Variants in HTR5A observed in about 807,000 individuals in gnomAD.
HTR5A encodes 5-HT-5.
In HTR5A, 21 loss-of-function variants were observed where a neutral mutation model predicts 24.3. The ratio of observed to expected loss-of-function variants is 0.86; its 90% confidence interval spans 0.61 to 1.24. The LOEUF is 1.24. HTR5A is among the 50% of genes most tolerant of loss of function. The pLI is 0.00. For synonymous variants in HTR5A, 260 were observed against 213.7 expected (o/e 1.22, Z -1.89); for missense variants, 497 against 489.5 (o/e 1.02, Z -0.15).
rs1795458333 is a variant in HTR5A, at chr7:155,084,804, G to C, written c.*317G>C. The C allele has an allele frequency of 4.1e-6, 1 of 244,508 alleles. No individual in the cohort carries two copies. Among genetic ancestry groups the C allele is most frequent in the Non-Finnish European group, 7.7e-6 (1 of 130,082 alleles). The allele number at this position is 244,508 out of a possible 1,614,324, so 15.1% of individuals were successfully genotyped here. On this transcript the variant is annotated 3_prime_UTR_variant, in exon 2 of 2. Coordinates refer to ENST00000287907, the MANE Select transcript of HTR5A (RefSeq NM_024012.4). Reference sequence around the variant, plus strand: ...TGGTGATCGACATTGTCTTAAAGAAGTCAAGGCAAATAAGAAGGAGGAGGT... The same window carrying C: ...TGGTGATCGACATTGTCTTAAAGAACTCAAGGCAAATAAGAAGGAGGAGGT...
intron 1 of HTR5A, among the ~76,000 whole-genome samples, chr7:155,075,233 A>T (rs147211562): frequency 6.6e-6 from 1 of 151,910 alleles, no homozygotes; most frequent in East Asian, 2.0e-4. Flanking sequence ...CCAAAGCTGC[A>T]GGAGAGATCT....
At chr7:155,077,922 C>G (rs1795375760) in intron 1 of HTR5A, among the ~76,000 whole-genome samples, 1 of 152,102 alleles carries the variant, frequency 6.6e-6, no homozygotes, top group African/African-American at 2.4e-5. Flanking sequence ...CCCACATAAA[C>G]AAAAACATTA....
chr7:155,086,298 G>T lies in HTR5A; in HGVS notation c.*1811G>T, dbSNP rs1001854554. On this transcript the variant is annotated 3_prime_UTR_variant, in exon 2 of 2. Coordinates refer to ENST00000287907, the MANE Select transcript of HTR5A (RefSeq NM_024012.4). ...GGTAACACTAGAATCAAGGGTAAACGCTTAAGTCTATTCTACCTGAAAATC... is the reference window on the plus strand; with the variant it reads ...GGTAACACTAGAATCAAGGGTAAACTCTTAAGTCTATTCTACCTGAAAATC... Among the ~76,000 whole-genome samples, 1 of 152,202 alleles carries T rather than the reference G, an allele frequency of 6.6e-6. No homozygotes were observed. The highest frequency in any genetic ancestry group is 1.9e-4 in the East Asian group (1 of 5,204).
intron 1 of HTR5A, among the ~76,000 whole-genome samples, chr7:155,080,067 G>A (rs1292748514): frequency 1.3e-5 from 2 of 152,188 alleles, no homozygotes; most frequent in Non-Finnish European, 2.9e-5. Flanking sequence ...TTATAGAATA[G>A]TTCCTTCTGT....
At position 155,071,569 on chromosome 7, in the gene HTR5A, T is replaced by C. The variant is rs1217813036; in HGVS notation, c.670T>C (p.Tyr224His). ...GGTGCTCTTCGTGTACTGGAAGATCTACAAGGCTGCCAAGTTCCGCGTGGG... is the reference window on the plus strand; with the variant it reads ...GGTGCTCTTCGTGTACTGGAAGATCCACAAGGCTGCCAAGTTCCGCGTGGG... The part of the protein sequence containing the change: ...CVVLFVYWKI[Y>H]KAAKFRVGSR... The change falls in exon 1 of 2, where the codon TAC becomes CAC. Residue 224 changes from tyrosine to histidine, a missense_variant. Transcript: ENST00000287907. 1.2e-6 allele frequency: 2 copies of C among 1,614,096 alleles called. No homozygotes were observed. Among genetic ancestry groups the C allele is most frequent in the African/African-American group, 2.7e-5 (2 of 74,934 alleles).
At chr7:155,082,261 C>G (rs780941970) in intron 1 of HTR5A, among the ~76,000 whole-genome samples, 1 of 151,976 alleles carries the variant, frequency 6.6e-6, no homozygotes, top group Non-Finnish European at 1.5e-5. Context: ...TGACCAGCAT[C>G]CACAGTGTGA....
chr7:155,074,599 A>C, intron 1 of HTR5A: 1 of 152,336 alleles, frequency 6.6e-6, no homozygotes, highest in East Asian at 1.9e-4. Flanking sequence ...AATAATCTAC[A>C]CAGGTACTAT....
intron 1 of HTR5A, among the ~76,000 whole-genome samples, chr7:155,078,313 C>T (rs1210624715): frequency 1.3e-5 from 2 of 152,086 alleles, no homozygotes; most frequent in African/African-American, 4.8e-5. Context: ...TATTAAATTC[C>T]CAAATTCAGG....
At chr7:155,073,865 G>GTGTGTATATATATATATA (rs1554519604) in intron 1 of HTR5A, among the ~76,000 whole-genome samples, 1 of 57,312 alleles carries the variant, frequency 1.7e-5, no homozygotes, top group Non-Finnish European at 3.2e-5. Context: ...GTGTGTGTGT[G>GTGTGTATATATATATATA]TATATATATA....
chr7:155,070,464 G>A lies in HTR5A; in HGVS notation c.-436G>A. 1 of 414,954 alleles carries A rather than the reference G, an allele frequency of 2.4e-6. No individual in the cohort carries two copies. The highest frequency in any genetic ancestry group is 1.7e-5 in the South Asian group (1 of 58,608). 25.7% of individuals were successfully genotyped at this position (414,954 alleles called of 1,614,324 possible). On this transcript the variant is annotated 5_prime_UTR_variant, in exon 1 of 2. Coordinates refer to ENST00000287907, the MANE Select transcript of HTR5A (RefSeq NM_024012.4). ...GCTGCAGCCGGCTGCCTAGAGAGAA[G>A]GGTGGGCAGGGAGACAACGCGGTGA... is the stretch of plus-strand genomic sequence containing the variant.
At chr7:155,073,323 G>GAAAAAAAA (rs66715434) in intron 1 of HTR5A, among the ~76,000 whole-genome samples, 31,056 of 108,708 alleles carry the variant, frequency 0.29, 5,848 homozygotes, top group East Asian at 0.49. Flanking sequence ...TCTGTCTCAA[G>GAAAAAAAA]AAAAAAAAAA....
chr7:155,083,434 G>A (rs1458427293), intron 1 of HTR5A, among the ~76,000 whole-genome samples: 1 of 152,164 alleles, frequency 6.6e-6, no homozygotes, highest in Non-Finnish European at 1.5e-5. Context: ...GCTAAAAATA[G>A]GACCAGAAGG....
chr7:155,083,721 T>C (rs1253270737), intron 1 of HTR5A, among the ~76,000 whole-genome samples: 3 of 152,128 alleles, frequency 2.0e-5, no homozygotes, highest in Admixed American at 6.5e-5. Context: ...TCTAACATTA[T>C]AGAGGGGACT....
In HTR5A at chr7:155,086,372, A is replaced by G. The variant is rs1418417062; in HGVS notation, c.*1885A>G. Among the ~76,000 whole-genome samples, 1 of 152,258 alleles carries G rather than the reference A, an allele frequency of 6.6e-6. No individual in the cohort carries two copies. The highest frequency in any genetic ancestry group is 6.5e-5 in the Admixed American group (1 of 15,290). On this transcript the variant is annotated 3_prime_UTR_variant, in exon 2 of 2. Transcript: ENST00000287907. ...AATCGTGAGTGTCTTACTGTTTAAAAAAGTTCATACTCTTCAGTAAAGCGA... is the reference window on the plus strand; with the variant it reads ...AATCGTGAGTGTCTTACTGTTTAAAGAAGTTCATACTCTTCAGTAAAGCGA...
rs779179069 is a variant in HTR5A at position 155,084,364 on chromosome 7, C to T, written c.951C>T (p.Ala317=). 1.2e-6 allele frequency: 2 copies of T among 1,614,170 alleles called. No homozygotes were observed. Among genetic ancestry groups the T allele is most frequent in the South Asian group, 1.1e-5 (1 of 91,082 alleles). ...ISPLCSCDIP[A]IWKSIFLWLG... Reference sequence around the variant, plus strand: ...CCCTCTGCTCCTGTGACATCCCCGCCATCTGGAAAAGCATCTTCCTGTGGC... The same window carrying T: ...CCCTCTGCTCCTGTGACATCCCCGCTATCTGGAAAAGCATCTTCCTGTGGC... Residue 317 remains alanine, a synonymous_variant, in exon 2 of 2, where the codon GCC becomes GCT. Coordinates refer to ENST00000287907, the MANE Select transcript of HTR5A (RefSeq NM_024012.4).
Position 155,071,368 on chromosome 7 carries a change from G to T in HTR5A, c.469G>T (p.Val157Phe). Reference protein sequence around the residue: ...MEYTLRTRKCVSNVMIALTWA... With the variant: ...MEYTLRTRKCFSNVMIALTWA... ...ATACACGCTCCGCACCCGCAAGTGC[G>T]TCTCCAACGTCATGATCGCGCTCAC... The change falls in exon 1 of 2, where the codon GTC (valine) becomes TTC (phenylalanine). Residue 157 changes from valine (V) to phenylalanine (F), a missense_variant. Physicochemically the swap from Val to Phe is conservative, Grantham distance 50. Transcript: ENST00000287907. 1 of 1,613,942 alleles carries T rather than the reference G, an allele frequency of 6.2e-7. No individual in the cohort carries two copies.
chr7:155,085,683 T>C lies in HTR5A; in HGVS notation c.*1196T>C, dbSNP rs1278374950. 6.6e-6 allele frequency: 1 copy of C among 152,208 alleles called. No homozygotes were observed. The highest frequency in any genetic ancestry group is 1.9e-4 in the East Asian group (1 of 5,204). The allele number at this position is 152,208 out of a possible 1,614,324, so 9.4% of individuals were successfully genotyped here. ...AAAAAAAAATCCTAGGCAATAAAACTGCCTGTGGTCTGCTATGTCTCTGAC... is the reference window on the plus strand; with the variant it reads ...AAAAAAAAATCCTAGGCAATAAAACCGCCTGTGGTCTGCTATGTCTCTGAC... On this transcript the variant is annotated 3_prime_UTR_variant, in exon 2 of 2. Coordinates refer to ENST00000287907, the MANE Select transcript of HTR5A (RefSeq NM_024012.4).
At position 155,084,136 on chromosome 7, in the gene HTR5A, T is replaced by C; in HGVS notation, c.742-19T>C. ...AGACTGAGGTGGCTCCTCATAAAGC[T>C]CCTGCTTGTCTTTTACAGGTGAAGG... On this transcript the variant is annotated intron_variant, in intron 1 of 1. Coordinates refer to ENST00000287907, the MANE Select transcript of HTR5A (RefSeq NM_024012.4). 1 of 1,567,132 alleles carries C rather than the reference T, an allele frequency of 6.4e-7. No individual in the cohort carries two copies. The highest frequency in any genetic ancestry group is 1.2e-5 in the South Asian group (1 of 84,400).
chr7:155,074,501 A>G (rs951878337), intron 1 of HTR5A: 6 of 152,130 alleles, frequency 3.9e-5, no homozygotes, highest in Non-Finnish European at 5.9e-5. Context: ...ATGAGAAGCT[A>G]TTGCTGATTG....
Sources: allele counts gnomAD v4.1 joint callset (sites outside exome capture counted in the v4.1 genomes callset), GRCh38; gene constraint gnomAD v4.1.1; transcripts MANE v1.5; gene names NCBI Gene and HGNC (gene_info 2026-07-23, HGNC 2026-07-21).